The following CCAR1 variants were observed in gnomAD, a reference collection of about 807,000 sequenced individuals.
CCAR1 encodes the protein cell division cycle and apoptosis regulator protein 1.
Under a neutral mutation model 163.8 loss-of-function variants are expected in CCAR1, and 78 were observed. The ratio of observed to expected loss-of-function variants is 0.48; its 90% CI spans 0.40 to 0.57. The LOEUF (loss-of-function observed/expected upper bound fraction) is 0.57. Among genes scored for constraint, CCAR1 ranks in the 20% least tolerant of loss-of-function variants. The pLI, the probability that CCAR1 is intolerant of heterozygous loss-of-function variation, is 0.00. For synonymous variants in CCAR1, 443 were observed against 460.7 expected, an observed-to-expected ratio of 0.96 and a Z score of 0.49; for missense variants, 1,019 against 1,365.2, an observed-to-expected ratio of 0.75 and a Z score of 4.00.
intron 19 of CCAR1, among the ~76,000 whole-genome samples, chr10:68,777,752 C>T (rs919170815): frequency 6.6e-6 from 1 of 150,934 alleles, no homozygotes; most frequent in African/African-American, 2.4e-5. Flanking sequence ...AGCAACATGA[C>T]GACACCGTGT....
At chr10:68,735,534 A>C (rs192293125) in intron 2 of CCAR1, among the ~76,000 whole-genome samples, 1 of 152,042 alleles carries the variant, frequency 6.6e-6, no homozygotes, top group African/African-American at 2.4e-5. Context: ...CCCCCTGAGT[A>C]GGTGGGACTA....
Position 68,764,558 on chromosome 10 carries a change from T to C in CCAR1, c.2107-1330T>C, listed in dbSNP as rs530834452. Among the ~76,000 whole-genome samples the C allele has an allele frequency of 2.6e-5, 4 of 151,998 alleles. No homozygotes were observed. The South Asian group carries it at 8.3e-4, about 32-fold the overall frequency. ...TCAAAACAAAAAAAAAAAAGTTGCA[T>C]GTATTGAAATGCACAAACCCTTACC... On this transcript the variant is annotated intron_variant, in intron 16 of 24. Transcript: ENST00000265872.
At chr10:68,723,247 G>C (rs1333077353) in intron 2 of CCAR1, among the ~76,000 whole-genome samples, 1 of 150,484 alleles carries the variant, frequency 6.6e-6, no homozygotes, top group African/African-American at 2.4e-5. Flanking sequence ...TCAGCCTCCT[G>C]AGTAGCTGGG....
intron 6 of CCAR1, among the ~76,000 whole-genome samples, chr10:68,743,854 A>G (rs1324809509): frequency 6.6e-6 from 1 of 152,164 alleles, no homozygotes; most frequent in Non-Finnish European, 1.5e-5. Context: ...AAGTTCAAGT[A>G]GTTCCCTGCC....
intron 6 of CCAR1, among the ~76,000 whole-genome samples, chr10:68,743,184 CTTTCTT>C (rs1357004089): frequency 2.0e-5 from 3 of 148,742 alleles, no homozygotes; most frequent in African/African-American, 5.0e-5. Context: ...ACTCTTCTTT[CTTTCTT>C]TTTCTTTTTC....
At chr10:68,723,418 C>G (rs1391953737) in intron 2 of CCAR1, among the ~76,000 whole-genome samples, 2 of 151,660 alleles carry the variant, frequency 1.3e-5, no homozygotes, top group Admixed American at 6.6e-5. Context: ...CGTAAGCCAC[C>G]GCACCCGGCA....
intron 16 of CCAR1, among the ~76,000 whole-genome samples, chr10:68,764,594 T>C (rs1475672690): frequency 6.6e-6 from 1 of 152,008 alleles, no homozygotes; most frequent in Non-Finnish European, 1.5e-5. Flanking sequence ...AAGTTGCAGA[T>C]CTTTTCCATC....
At chr10:68,774,928 T>A in intron 19 of CCAR1, 1 of 383,482 alleles carries the variant, frequency 2.6e-6, no homozygotes, top group South Asian at 1.9e-5. Flanking sequence ...ATTATAAGAG[T>A]TCTTTTTGTT....
chr10:68,775,369 C>T (rs1305539008), intron 19 of CCAR1, among the ~76,000 whole-genome samples: 5 of 152,076 alleles, frequency 3.3e-5, no homozygotes, highest in Non-Finnish European at 7.4e-5. Flanking sequence ...TTAATGAAGA[C>T]TTAAGCCCTT....
intron 19 of CCAR1, 56 bp downstream of exon 19, chr10:68,773,155 C>A: frequency 1.1e-6 from 1 of 913,008 alleles, no homozygotes; most frequent in Non-Finnish European, 1.7e-6. Context: ...TTTTTGTTTG[C>A]TGACATTGTA....
Position 68,749,605 on chromosome 10 carries a change from A to G in CCAR1, c.1038A>G (p.Arg346=). 6.2e-7 allele frequency: 1 copy of G among 1,614,076 alleles called. No homozygotes were observed. The highest frequency in any genetic ancestry group is 8.5e-7 in the Non-Finnish European group (1 of 1,179,912). The part of the protein sequence containing the change: ...RKRSRERSPR[R]ERERSPRRVR... Reference sequence around the variant, plus strand: ...GTTCCCGGGAAAGATCTCCACGAAGAGAGCGAGAGCGATCACCTCGGAGAG... The same window carrying G: ...GTTCCCGGGAAAGATCTCCACGAAGGGAGCGAGAGCGATCACCTCGGAGAG... Residue 346 remains arginine (R), a synonymous_variant, in exon 10 of 25, where the codon AGA becomes AGG. Transcript: ENST00000265872.
At chr10:68,751,642 C>T (rs1202601160) in intron 10 of CCAR1, among the ~76,000 whole-genome samples, 1 of 151,802 alleles carries the variant, frequency 6.6e-6, no homozygotes, top group Non-Finnish European at 1.5e-5. Flanking sequence ...GCGGACAGAT[C>T]ACTTGAGGTC....
chr10:68,728,952 A>G (rs2055990367), intron 2 of CCAR1, among the ~76,000 whole-genome samples: 1 of 151,450 alleles, frequency 6.6e-6, no homozygotes, highest in Admixed American at 6.6e-5. Flanking sequence ...ACTCCGTCCC[A>G]GAAAAAAAAA....
At chr10:68,768,997 G>A (rs964192322) in intron 17 of CCAR1, among the ~76,000 whole-genome samples, 5 of 151,866 alleles carry the variant, frequency 3.3e-5, no homozygotes, top group African/African-American at 9.7e-5. Context: ...CTTTTTTTGA[G>A]ACAGTCTCAC....
At chr10:68,746,796 T>C (rs2133345179) in intron 6 of CCAR1, among the ~76,000 whole-genome samples, 1 of 152,222 alleles carries the variant, frequency 6.6e-6, no homozygotes, top group East Asian at 1.9e-4. Flanking sequence ...CAGGCTGGTC[T>C]TGAACTCCTG....
At chr10:68,765,216 T>G (rs557591228) in intron 16 of CCAR1, among the ~76,000 whole-genome samples, 1 of 152,264 alleles carries the variant, frequency 6.6e-6, no homozygotes, top group African/African-American at 2.4e-5. Flanking sequence ...CCCTGGTAAA[T>G]GAGCTTTGCA....
intron 15 of CCAR1, among the ~76,000 whole-genome samples, chr10:68,758,862 G>A (rs1451688434): frequency 6.6e-6 from 1 of 151,402 alleles, no homozygotes; most frequent in Non-Finnish European, 1.5e-5. Context: ...TAGTAGAGAT[G>A]GGGTTTCACC....
intron 12 of CCAR1, chr10:68,755,110 A>G: frequency 1.5e-6 from 1 of 687,456 alleles, no homozygotes. Flanking sequence ...GATGTTGTTG[A>G]AGTTTGAATT....
At chr10:68,782,195 A>G (rs1564552373) in intron 19 of CCAR1, among the ~76,000 whole-genome samples, 1 of 152,224 alleles carries the variant, frequency 6.6e-6, no homozygotes, top group Admixed American at 6.5e-5. Context: ...CTTCAATTCT[A>G]TAAAGGCTAA....
Sources: gnomAD v4.1 joint callset for allele counts (sites outside exome capture counted in the v4.1 genomes callset) on GRCh38, gnomAD v4.1.1 for gene constraint, MANE v1.5 for transcripts, NCBI Gene and HGNC (gene_info 2026-07-23, HGNC 2026-07-21) for gene names.